KCNH8: variants seen among roughly 807,000 people sequenced by gnomAD.
KCNH8 encodes voltage-gated delayed rectifier potassium channel KCNH8.
Under a neutral mutation model 103.6 loss-of-function variants are expected in KCNH8, and 70 were observed. The ratio of observed to expected loss-of-function variants is 0.68; its 90% CI spans 0.56 to 0.82. The LOEUF is 0.82. KCNH8 is among the 40% of genes least tolerant of loss of function. The pLI, the probability that KCNH8 is intolerant of heterozygous loss-of-function variation, is 0.00. For missense variants in KCNH8, 1,217 were observed against 1,329.9 expected (o/e 0.92, Z 1.32); for synonymous variants, 498 against 489.4 (o/e 1.02, Z -0.23).
intron 5 of KCNH8, among the ~76,000 whole-genome samples, chr3:19,361,808 A>C (rs1231509503): frequency 6.6e-6 from 1 of 152,150 alleles, no homozygotes; most frequent in Non-Finnish European, 1.5e-5. Flanking sequence ...ACAAATACCC[A>C]AATTTTTCTA....
chr3:19,482,882 T>C (rs1052117890), intron 11 of KCNH8, among the ~76,000 whole-genome samples: 1 of 152,198 alleles, frequency 6.6e-6, no homozygotes, highest in Admixed American at 6.5e-5. Flanking sequence ...AGCAGAATAG[T>C]CAAGGCTCTG....
chr3:19,248,351 A>G (rs375889446), intron 1 of KCNH8, among the ~76,000 whole-genome samples: 2 of 152,178 alleles, frequency 1.3e-5, no homozygotes, highest in South Asian at 2.1e-4. Context: ...TATGCAAAAC[A>G]TTTTGAGACC....
At chr3:19,462,588 G>C (rs2067655414) in intron 11 of KCNH8, among the ~76,000 whole-genome samples, 1 of 152,118 alleles carries the variant, frequency 6.6e-6, no homozygotes, top group Non-Finnish European at 1.5e-5. Flanking sequence ...CCATTCTGTA[G>C]GTTGCCTGTT....
chr3:19,322,416 G>A (rs1165455414), intron 3 of KCNH8, among the ~76,000 whole-genome samples: 2 of 152,106 alleles, frequency 1.3e-5, no homozygotes, highest in Non-Finnish European at 2.9e-5. Flanking sequence ...TTTTGTCTGT[G>A]TCTGGAAAAG....
intron 1 of KCNH8, among the ~76,000 whole-genome samples, chr3:19,246,873 C>A (rs1342081237): frequency 6.6e-6 from 1 of 152,078 alleles, no homozygotes; most frequent in East Asian, 1.9e-4. Flanking sequence ...GACTATGCAC[C>A]CAATGGCAAG....
At chr3:19,482,654 T>C (rs1464122712) in intron 11 of KCNH8, among the ~76,000 whole-genome samples, 1 of 152,228 alleles carries the variant, frequency 6.6e-6, no homozygotes, top group Non-Finnish European at 1.5e-5. Context: ...TTTTTAAACA[T>C]GGCCTTAGGA....
At chr3:19,327,550 A>G (rs1247225473) in intron 3 of KCNH8, among the ~76,000 whole-genome samples, 31 of 152,196 alleles carry the variant, frequency 2.0e-4, no homozygotes, top group Admixed American at 2.0e-3. Context: ...TCAGCCTCCC[A>G]AAGTGCTGGG....
intron 11 of KCNH8, among the ~76,000 whole-genome samples, chr3:19,494,967 T>A (rs539410721): frequency 3.5e-4 from 53 of 152,330 alleles, no homozygotes; most frequent in South Asian, 2.3e-3. Flanking sequence ...GAGCATTTTT[T>A]CATATGTTTT....
chr3:19,346,411 TA>T (rs2065730301), intron 4 of KCNH8, among the ~76,000 whole-genome samples: 1 of 152,050 alleles, frequency 6.6e-6, no homozygotes. Context: ...AATGGGCATT[TA>T]AGGACCATCT....
intron 1 of KCNH8, among the ~76,000 whole-genome samples, chr3:19,186,467 T>G (rs1471835293): frequency 3.9e-5 from 6 of 151,962 alleles, no homozygotes; most frequent in Non-Finnish European, 8.8e-5. Flanking sequence ...TTTCTGGCCC[T>G]TGTCTTTTAT....
chr3:19,498,018 T>G (rs1412000233), intron 11 of KCNH8, among the ~76,000 whole-genome samples: 1 of 152,216 alleles, frequency 6.6e-6, no homozygotes, highest in Non-Finnish European at 1.5e-5. Flanking sequence ...TTTTGGTCTT[T>G]GTTGGTTTAA....
At chr3:19,224,342 A>G (rs979082397) in intron 1 of KCNH8, among the ~76,000 whole-genome samples, 3 of 152,126 alleles carry the variant, frequency 2.0e-5, no homozygotes, top group East Asian at 3.9e-4. Flanking sequence ...AAAAGTTGCC[A>G]TGAAGCCTGT....
At chr3:19,479,657 G>A (rs1209517476) in intron 11 of KCNH8, among the ~76,000 whole-genome samples, 2 of 152,130 alleles carry the variant, frequency 1.3e-5, no homozygotes, top group Admixed American at 1.3e-4. Flanking sequence ...TCTACAAGAG[G>A]AAGAAACAGA....
chr3:19,310,482 T>C (rs570049493), intron 3 of KCNH8, among the ~76,000 whole-genome samples: 1 of 152,026 alleles, frequency 6.6e-6, no homozygotes, highest in Admixed American at 6.6e-5. Flanking sequence ...TGTGATTTTC[T>C]TTTTGTGTTA....
intron 3 of KCNH8, among the ~76,000 whole-genome samples, chr3:19,322,144 A>G (rs2065358257): frequency 1.3e-5 from 2 of 152,026 alleles, no homozygotes; most frequent in Admixed American, 1.3e-4. Flanking sequence ...ACCCATTCTG[A>G]CATTCTGTAT....
chr3:19,170,880 C>G (rs1214050970), intron 1 of KCNH8, among the ~76,000 whole-genome samples: 1 of 144,616 alleles, frequency 6.9e-6, no homozygotes, highest in African/African-American at 2.6e-5. Context: ...CGCAAAATAT[C>G]GGCTCACTGC....
In KCNH8 at chr3:19,397,489, A is replaced by G. The variant is rs557081581; in HGVS notation, c.1177+2178A>G. 2.6e-5 allele frequency among the ~76,000 whole-genome samples: 4 copies of G among 151,594 alleles called. No individual in the cohort carries two copies. The East Asian group carries it at 7.9e-4, about 30-fold the overall frequency. On this transcript the variant is annotated intron_variant, in intron 7 of 15. Coordinates refer to ENST00000328405, the MANE Select transcript of KCNH8 (RefSeq NM_144633.3). ...AAACAAACCCCAAAATGTGCTTCAT[A>G]TATCTATATATACACACACACATAT... is the stretch of plus-strand genomic sequence containing the variant.
At chr3:19,418,824 G>C (rs1045767799) in intron 7 of KCNH8, among the ~76,000 whole-genome samples, 1 of 152,168 alleles carries the variant, frequency 6.6e-6, no homozygotes, top group African/African-American at 2.4e-5. Context: ...TCATCCAGCT[G>C]CACATTCTTA....
chr3:19,497,453 T>G (rs2068467533), intron 11 of KCNH8, among the ~76,000 whole-genome samples: 1 of 152,212 alleles, frequency 6.6e-6, no homozygotes, highest in Admixed American at 6.5e-5. Flanking sequence ...GTCTTTGTTC[T>G]TATTAGTTTC....
Sources: gnomAD v4.1 joint callset for allele counts (sites outside exome capture counted in the v4.1 genomes callset) on GRCh38, gnomAD v4.1.1 for gene constraint, MANE v1.5 for transcripts, NCBI Gene and HGNC (gene_info 2026-07-23, HGNC 2026-07-21) for gene names.